The following PTPRK variants were observed in gnomAD, a reference collection of about 807,000 sequenced individuals.
The protein encoded by PTPRK is receptor-type tyrosine-protein phosphatase kappa.
PTPRK carries 75 observed loss-of-function variants against 178.0 expected under a neutral mutation model. The ratio of observed to expected loss-of-function variants is 0.42; its 90% CI spans 0.35 to 0.51. The LOEUF is 0.51. PTPRK is among the 20% of genes least tolerant of loss of function. PTPRK has a pLI of 0.02. For missense variants in PTPRK, 1,441 were observed against 1,797.8 expected (o/e 0.80, Z 3.59); for synonymous variants, 637 against 620.6 (o/e 1.03, Z -0.39).
At chr6:128,186,837 A>G (rs992657705) in intron 6 of PTPRK, among the ~76,000 whole-genome samples, 2 of 152,156 alleles carry the variant, frequency 1.3e-5, no homozygotes, top group African/African-American at 4.8e-5. Context: ...TGAACATAAT[A>G]GAAAAAATGT....
chr6:128,249,016 T>C (rs1467410912), intron 3 of PTPRK, among the ~76,000 whole-genome samples: 2 of 151,954 alleles, frequency 1.3e-5, no homozygotes, highest in Non-Finnish European at 2.9e-5. Flanking sequence ...TTTTTTATAG[T>C]AAGAGGAAAT....
At chr6:128,228,987 T>A (rs1049765902) in intron 5 of PTPRK, among the ~76,000 whole-genome samples, 2 of 152,040 alleles carry the variant, frequency 1.3e-5, no homozygotes, top group African/African-American at 4.8e-5. Context: ...GACTTAAGAA[T>A]CAAGGGCACA....
chr6:128,179,285 C>T (rs1347800778), intron 7 of PTPRK, among the ~76,000 whole-genome samples: 2 of 151,828 alleles, frequency 1.3e-5, no homozygotes. Context: ...AAGAAAGAAG[C>T]CAACAGAAGT....
At chr6:128,316,819 C>T (rs186464183) in intron 3 of PTPRK, among the ~76,000 whole-genome samples, 3 of 151,006 alleles carry the variant, frequency 2.0e-5, no homozygotes, top group Non-Finnish European at 2.9e-5. Context: ...CTGGTTCAAG[C>T]GATTCTCCTG....
Position 127,983,239 on chromosome 6 carries a change from T to C in PTPRK, c.3387+3A>G, listed in dbSNP as rs374414459. ...AAAGTCCACTACAGGTAAATCTACA[T>C]ACCTCTGTCTGGACCATATTAATAC... On this transcript the variant is annotated splice_donor_region_variant and intron_variant, in intron 23 of 29. Transcript: ENST00000368226. 21 of 1,597,286 alleles carry C rather than the reference T, an allele frequency of 1.3e-5. No homozygotes were observed. Among genetic ancestry groups the C allele is most frequent in the African/African-American group, 9.5e-5 (7 of 73,656 alleles).
chr6:128,464,440 A>G (rs970202264), intron 1 of PTPRK, among the ~76,000 whole-genome samples: 4 of 151,696 alleles, frequency 2.6e-5, no homozygotes, highest in African/African-American at 4.8e-5. Flanking sequence ...CTTAGGAGAT[A>G]TAAAAGGAAG....
intron 17 of PTPRK, among the ~76,000 whole-genome samples, chr6:127,996,502 C>G (rs766633401): frequency 5.3e-5 from 8 of 152,100 alleles, no homozygotes; most frequent in Non-Finnish European, 1.0e-4. Context: ...GACAGAGTCT[C>G]GCTTTGTCGC....
intron 1 of PTPRK, among the ~76,000 whole-genome samples, chr6:128,440,521 T>C (rs1044560497): frequency 1.3e-5 from 2 of 152,242 alleles, no homozygotes; most frequent in Non-Finnish European, 2.9e-5. Context: ...AAATGCAATA[T>C]AGTGAAATTT....
At chr6:127,984,674 A>T (rs1158601734) in intron 22 of PTPRK, among the ~76,000 whole-genome samples, 1 of 152,170 alleles carries the variant, frequency 6.6e-6, no homozygotes, top group Non-Finnish European at 1.5e-5. Context: ...TTTCCTTGTT[A>T]TTCAGATTTG....
intron 21 of PTPRK, among the ~76,000 whole-genome samples, chr6:127,990,567 A>G (rs1776487702): frequency 6.6e-6 from 1 of 152,012 alleles, no homozygotes; most frequent in South Asian, 2.1e-4. Context: ...ATCGGCTCTA[A>G]GATCCACACG....
chr6:128,016,878 T>A (rs1779651059), intron 13 of PTPRK, among the ~76,000 whole-genome samples: 1 of 152,008 alleles, frequency 6.6e-6, no homozygotes, highest in Non-Finnish European at 1.5e-5. Flanking sequence ...CTGTCCTATA[T>A]CAAAATTACG....
At chr6:128,396,824 C>T (rs1392302228) in intron 2 of PTPRK, among the ~76,000 whole-genome samples, 3 of 151,996 alleles carry the variant, frequency 2.0e-5, no homozygotes, top group East Asian at 1.9e-4. Flanking sequence ...ACAGTGAAAC[C>T]CCGCCTCCAC....
intron 1 of PTPRK, among the ~76,000 whole-genome samples, chr6:128,488,416 T>A (rs1344979887): frequency 2.0e-5 from 3 of 152,126 alleles, no homozygotes; most frequent in African/African-American, 7.2e-5. Flanking sequence ...ATACTTCGTA[T>A]CCTTCAATCC....
intron 7 of PTPRK, among the ~76,000 whole-genome samples, chr6:128,113,354 T>C (rs1459184487): frequency 4.7e-5 from 7 of 150,264 alleles, no homozygotes; most frequent in Non-Finnish European, 1.0e-4. Context: ...AATATAAGCA[T>C]GTATTATAAA....
At chr6:128,438,145 C>T (rs530149228) in intron 1 of PTPRK, among the ~76,000 whole-genome samples, 27 of 152,360 alleles carry the variant, frequency 1.8e-4, no homozygotes, top group South Asian at 6.2e-4. Context: ...GCTGTGCATA[C>T]ATTGGGGCTG....
At chr6:128,330,086 A>ACTGG (rs1415513402) in intron 2 of PTPRK, among the ~76,000 whole-genome samples, 1 of 152,190 alleles carries the variant, frequency 6.6e-6, no homozygotes, top group Non-Finnish European at 1.5e-5. Context: ...GTAGTAACAA[A>ACTGG]GAACATGCCA....
intron 3 of PTPRK, among the ~76,000 whole-genome samples, chr6:128,249,340 A>G (rs1816065819): frequency 6.6e-6 from 1 of 151,222 alleles, no homozygotes; most frequent in African/African-American, 2.4e-5. Flanking sequence ...ATTTAAGCCC[A>G]GAAAAAGTGG....
At chr6:128,341,203 A>C (rs576315781) in intron 2 of PTPRK, among the ~76,000 whole-genome samples, 1 of 152,176 alleles carries the variant, frequency 6.6e-6, no homozygotes, top group African/African-American at 2.4e-5. Context: ...GATGTAACAT[A>C]AACACAAATG....
intron 1 of PTPRK, among the ~76,000 whole-genome samples, chr6:128,434,626 TA>T (rs761408762): frequency 6.6e-6 from 1 of 152,082 alleles, no homozygotes; most frequent in Non-Finnish European, 1.5e-5. Flanking sequence ...AAGAACTCAA[TA>T]AATATAATTA....
Sources: gnomAD v4.1 joint callset for allele counts (sites outside exome capture counted in the v4.1 genomes callset) on GRCh38, gnomAD v4.1.1 for gene constraint, MANE v1.5 for transcripts, NCBI Gene and HGNC (gene_info 2026-07-23, HGNC 2026-07-21) for gene names.